Variants in CD320 observed in about 807,000 individuals in gnomAD.
CD320 encodes CD320 antigen.
Under a neutral mutation model 22.1 loss-of-function variants are expected in CD320, and 16 were observed. The observed-to-expected ratio is 0.73, with a 90% CI of 0.49 to 1.10. CD320 has a LOEUF of 1.10. Ranked by LOEUF, CD320 falls within the 50% of genes least tolerant of loss-of-function variation. CD320 has a pLI of 0.00. For missense variants in CD320, 388 were observed against 376.9 expected, an observed-to-expected ratio of 1.03 and a Z score of -0.24; for synonymous variants, 188 against 167.8, an observed-to-expected ratio of 1.12 and a Z score of -0.93.
chr19:8,306,901 A>G (rs10425703), intron 1 of CD320, among the ~76,000 whole-genome samples: 17,414 of 152,182 alleles, frequency 0.11, 2,040 homozygotes, highest in African/African-American at 0.3. Flanking sequence ...CATAGGGTGT[A>G]AGCCTGACAG....
At chr19:8,305,857 A>G (rs1970082121) in intron 1 of CD320, 1 of 152,210 alleles carries the variant, frequency 6.6e-6, no homozygotes, top group Non-Finnish European at 1.5e-5. Context: ...GGGACGGGCC[A>G]TTTTTCCACA....
chr19:8,307,547 C>A (rs1338028488), intron 1 of CD320, among the ~76,000 whole-genome samples: 1 of 152,080 alleles, frequency 6.6e-6, no homozygotes, highest in African/African-American at 2.4e-5. Context: ...AGAGGGAGCC[C>A]GTCCCCACTG....
In CD320 at chr19:8,305,052, C is replaced by CATCGCTGCA; in HGVS notation, c.238_246dup (p.Cys80_Asp82dup). The CATCGCTGCA allele has an allele frequency of 6.2e-7, 1 of 1,610,324 alleles. No individual in the cohort carries two copies. Among genetic ancestry groups the CATCGCTGCA allele is most frequent in the East Asian group, 2.2e-5 (1 of 44,876 alleles). On this transcript the variant is annotated inframe_insertion, in exon 2 of 5. Coordinates refer to ENST00000301458, the MANE Select transcript of CD320 (RefSeq NM_016579.4). ...TCACTGCACTCCTCCTCATCGCTGC[C>CATCGCTGCA]ATCGCTGCAGTCCAAGTCCCTGTCG...
chr19:8,303,424 A>C (rs1286242853), intron 3 of CD320, among the ~76,000 whole-genome samples: 1 of 147,782 alleles, frequency 6.8e-6, no homozygotes, highest in Non-Finnish European at 1.5e-5. Context: ...GCCTTTTTTA[A>C]ATTTTTTTGA....
intron 2 of CD320, 184 bp downstream of exon 2, chr19:8,304,847 G>A (rs568154569): frequency 9.7e-6 from 6 of 618,752 alleles, no homozygotes; most frequent in East Asian, 9.2e-5. Flanking sequence ...GATTGCAGGC[G>A]TGAGCCACTG....
chr19:8,303,514 G>A (rs1220532218), intron 3 of CD320, among the ~76,000 whole-genome samples: 4 of 152,046 alleles, frequency 2.6e-5, no homozygotes, highest in Non-Finnish European at 5.9e-5. Flanking sequence ...CCAGGTTCAA[G>A]CGGTTCTCCT....
intron 1 of CD320, 153 bp from the exon 2 acceptor site, chr19:8,305,309 G>C: frequency 1.1e-6 from 1 of 893,308 alleles, no homozygotes; most frequent in South Asian, 1.6e-5. Flanking sequence ...CCCCTAGTAC[G>C]AGTGGGGTTC....
At chr19:8,307,695 G>C (rs1030083782) in intron 1 of CD320, among the ~76,000 whole-genome samples, 14 of 152,222 alleles carry the variant, frequency 9.2e-5, no homozygotes, top group African/African-American at 3.4e-4. Context: ...CAAAGGAGGA[G>C]AGACTGGGAG....
rs1404009465 is a variant in CD320, at chr19:8,303,103, C to CA, written c.503-124_503-123insT. The CA allele has an allele frequency of 2.0e-5, 11 of 562,394 alleles. 1 individual carries two copies. In the East Asian group the frequency reaches 2.9e-4, roughly 15 times the overall value. 34.8% of individuals were successfully genotyped at this position (562,394 alleles called of 1,614,324 possible). A position where few individuals can be genotyped will look rare whatever the true frequency, so the allele number is the denominator to read the frequency against. ...ACCAGGCTGGGTGAAGCTGACTGCC[C>CA]GTAATTATGTCTTTTTTTTTTTTTT... On this transcript the variant is annotated intron_variant, in intron 3 of 4. Transcript: ENST00000301458.
In CD320 at chr19:8,303,867, C is replaced by T. The variant is rs751202127; in HGVS notation, c.490G>A (p.Glu164Lys). ...CGCAGGTGCATACCACAGCCGAGCT[C>T]GTCGCTGGAGTCGGGACAGTCTGGG... The part of the protein sequence containing the change: ...GHPDCPDSSD[E>K]LGCGTNEILP... Residue 164 changes from glutamate (E) to lysine (K), a missense_variant, in exon 3 of 5, where the codon GAG becomes AAG. Coordinates refer to ENST00000301458, the MANE Select transcript of CD320 (RefSeq NM_016579.4). 2.8e-5 allele frequency: 44 copies of T among 1,599,358 alleles called. No homozygotes were observed. The highest frequency in any genetic ancestry group is 2.1e-4 in the South Asian group (19 of 88,622).
Position 8,302,482 on chromosome 19 carries a change from T to C in CD320, c.830A>G (p.Gln277Arg), listed in dbSNP as rs779274202. 1 of 1,614,190 alleles carries C rather than the reference T, an allele frequency of 6.2e-7. No homozygotes were observed. Among genetic ancestry groups the C allele is most frequent in the South Asian group, 1.1e-5 (1 of 91,092 alleles). ...AMKESLLLSE[Q>R]KTSLP The stretch of plus-strand genomic sequence containing the variant: ...TTGTCCTCAGGGCAGCGAGGTCTTC[T>C]GTTCTGACAGCAGCAGGGACTCCTT... Residue 277 changes from glutamine to arginine, a missense_variant, in exon 5 of 5, where the codon CAG becomes CGG. Physicochemically the swap from Gln to Arg is conservative, Grantham distance 43 (BLOSUM62 1). Coordinates refer to ENST00000301458, the MANE Select transcript of CD320 (RefSeq NM_016579.4).
At chr19:8,307,346 CAAACA>C (rs148712288) in intron 1 of CD320, among the ~76,000 whole-genome samples, 16,909 of 94,924 alleles carry the variant, frequency 0.18, 1,913 homozygotes, top group African/African-American at 0.38. Flanking sequence ...TAAAAAAAAA[CAAACA>C]AAAAAAAACC....
intron 3 of CD320, 136 bp from the exon 4 acceptor site, chr19:8,303,116 T>A: frequency 3.8e-5 from 9 of 238,486 alleles, no homozygotes; most frequent in Non-Finnish European, 7.2e-5. Context: ...AATTATGTCT[T>A]TTTTTTTTTT....
chr19:8,307,290 A>C (rs1970103621), intron 1 of CD320, among the ~76,000 whole-genome samples: 1 of 151,962 alleles, frequency 6.6e-6, no homozygotes, highest in South Asian at 2.1e-4. Context: ...CTCAAAAAAA[A>C]AAAAACAAAA....
intron 4 of CD320, 33 bp downstream of exon 4, chr19:8,302,744 A>C (rs778793240): frequency 1.2e-6 from 2 of 1,612,398 alleles, no homozygotes; most frequent in Non-Finnish European, 8.5e-7. Flanking sequence ...CGGAGCTCTA[A>C]GCCCCCAGCA....
At chr19:8,308,074 T>C (rs1568559433) in intron 1 of CD320, 75 bp downstream of exon 1, 9 of 1,353,316 alleles carry the variant, frequency 6.7e-6, no homozygotes, top group South Asian at 1.6e-5. Context: ...AGCCAGTGAC[T>C]AGGCGTTGTC....
In CD320 at chr19:8,303,717, T is replaced by C. The variant is rs914717119; in HGVS notation, c.502+138A>G. The C allele has an allele frequency of 2.2e-5, 15 of 675,938 alleles. No homozygotes were observed. In the African/African-American group the frequency reaches 2.6e-4, roughly 12 times the overall value. The allele number at this position is 675,938 out of a possible 1,614,324, so 41.9% of individuals were successfully genotyped here. ...GGCGTGAGCCACCGGGCCCGGCCCC[T>C]AATGATGTCTTGATTCCCCCACAGG... On this transcript the variant is annotated intron_variant, in intron 3 of 4. Transcript: ENST00000301458.
chr19:8,303,960 G>T lies in CD320; in HGVS notation c.397C>A (p.Leu133Ile), dbSNP rs755200274. 6.3e-7 allele frequency: 1 copy of T among 1,586,314 alleles called. No individual in the cohort carries two copies. The highest frequency in any genetic ancestry group is 2.3e-5 in the East Asian group (1 of 43,260). Residue 133 changes from leucine to isoleucine, a missense_variant, in exon 3 of 5, where the codon CTA (leucine) becomes ATA (isoleucine). Transcript: ENST00000301458. ...KLRNCSRLACLAGELRCTLSD... is the reference protein window; with the variant it reads ...KLRNCSRLACIAGELRCTLSD... ...AGCGTGCAACGGAGCTCGCCTGCTA[G>T]GCAGGCCAGGCGGCTGCAGTTGCGC...
chr19:8,302,397 C>T lies in CD320; in HGVS notation c.*66G>A. On this transcript the variant is annotated 3_prime_UTR_variant, in exon 5 of 5. Coordinates refer to ENST00000301458, the MANE Select transcript of CD320 (RefSeq NM_016579.4). ...GCTGGTGTGCCCGGGTACCCATCCG[C>T]ATCACTGCTCTCCTCCTGTCCGGCT... is the stretch of plus-strand genomic sequence containing the variant. 1 of 1,602,600 alleles carries T rather than the reference C, an allele frequency of 6.2e-7. No homozygotes were observed.
Sources: gnomAD v4.1 joint callset for allele counts (sites outside exome capture counted in the v4.1 genomes callset) on GRCh38, gnomAD v4.1.1 for gene constraint, MANE v1.5 for transcripts, NCBI Gene and HGNC (gene_info 2026-07-23, HGNC 2026-07-21) for gene names.